FILIP1: variants seen among roughly 807,000 people sequenced by gnomAD.
The protein encoded by FILIP1 is filamin-A-interacting protein 1.
In FILIP1, 61 loss-of-function variants were observed where a neutral mutation model predicts 102.1. The observed-to-expected ratio is 0.60, with a 90% CI of 0.49 to 0.74. FILIP1 has a LOEUF of 0.74. FILIP1 is among the 30% of genes least tolerant of loss of function. The pLI is 0.00. For missense variants in FILIP1, 1,314 were observed against 1,441.2 expected, an observed-to-expected ratio of 0.91 and a Z score of 1.43; for synonymous variants, 491 against 526.9, an observed-to-expected ratio of 0.93 and a Z score of 0.93.
intron 1 of FILIP1, among the ~76,000 whole-genome samples, chr6:75,450,714 G>A (rs985568825): frequency 1.3e-5 from 2 of 150,626 alleles, no homozygotes; most frequent in Admixed American, 1.3e-4. Flanking sequence ...TCAGCATGTT[G>A]GGAGGCCGAG....
At chr6:75,335,562 T>C (rs758482982) in intron 4 of FILIP1, among the ~76,000 whole-genome samples, 6 of 151,944 alleles carry the variant, frequency 3.9e-5, no homozygotes, top group Non-Finnish European at 8.8e-5. Context: ...AGTGTATGAG[T>C]GATAAATCTA....
chr6:75,333,274 A>G (rs1253447965), intron 4 of FILIP1, among the ~76,000 whole-genome samples: 1 of 152,150 alleles, frequency 6.6e-6, no homozygotes, highest in Non-Finnish European at 1.5e-5. Flanking sequence ...TATTATGTTA[A>G]CATTTATTTA....
chr6:75,482,103 C>T (rs1779664619), intron 1 of FILIP1, among the ~76,000 whole-genome samples: 1 of 152,116 alleles, frequency 6.6e-6, no homozygotes, highest in African/African-American at 2.4e-5. Context: ...TTCACGTGCT[C>T]ATTTTGGTGA....
intron 2 of FILIP1, among the ~76,000 whole-genome samples, chr6:75,372,730 GAA>G (rs1775602589): frequency 1.0e-4 from 1 of 9,716 alleles, no homozygotes; most frequent in Non-Finnish European, 2.1e-4. Context: ...AAGAGAAAGA[GAA>G]AGAAAGAAAG....
Position 75,388,659 on chromosome 6 carries a change from G to A in FILIP1, c.277-25742C>T, listed in dbSNP as rs117166830. Among the ~76,000 whole-genome samples the A allele has an allele frequency of 9.7e-3, 1,471 of 152,066 alleles. 38 individuals are homozygous for A. The East Asian group carries it at 0.11, about 11-fold the overall frequency. ...TTGTAGCAGTTGTGAATAGGATTTC[G>A]CTCATTCTTTGGCTCTCTGTCTATT... On this transcript the variant is annotated intron_variant, in intron 2 of 5. Transcript: ENST00000237172.
At chr6:75,389,534 C>A (rs1049954587) in intron 2 of FILIP1, among the ~76,000 whole-genome samples, 1 of 152,050 alleles carries the variant, frequency 6.6e-6, no homozygotes, top group Non-Finnish European at 1.5e-5. Flanking sequence ...CTATTAATTA[C>A]TGCCTCAATT....
At chr6:75,433,461 T>G (rs1189397627) in intron 1 of FILIP1, among the ~76,000 whole-genome samples, 1 of 152,258 alleles carries the variant, frequency 6.6e-6, no homozygotes, top group Non-Finnish European at 1.5e-5. Flanking sequence ...GTCTTTTGGC[T>G]GCATAAATGT....
At chr6:75,333,469 A>C (rs1366246062) in intron 4 of FILIP1, among the ~76,000 whole-genome samples, 1 of 152,176 alleles carries the variant, frequency 6.6e-6, no homozygotes, top group Non-Finnish European at 1.5e-5. Context: ...TTTACAAGTA[A>C]ACAGAAGTTC....
chr6:75,436,366 G>GAA (rs764588245), intron 1 of FILIP1, among the ~76,000 whole-genome samples: 12 of 120,862 alleles, frequency 9.9e-5, no homozygotes, highest in Admixed American at 2.4e-4. Context: ...CCCTGTCTCA[G>GAA]GAAAAAAAAA....
At chr6:75,442,456 T>G (rs1470021151) in intron 1 of FILIP1, among the ~76,000 whole-genome samples, 2 of 152,216 alleles carry the variant, frequency 1.3e-5, no homozygotes, top group Non-Finnish European at 2.9e-5. Context: ...CACTCCAGCC[T>G]GGGCACCATT....
At chr6:75,451,778 G>A (rs1271344659) in intron 1 of FILIP1, among the ~76,000 whole-genome samples, 1 of 152,120 alleles carries the variant, frequency 6.6e-6, no homozygotes, top group East Asian at 1.9e-4. Context: ...AGATTCCAGT[G>A]AGCCGAGATT....
intron 2 of FILIP1, among the ~76,000 whole-genome samples, chr6:75,377,035 C>T (rs1775773726): frequency 6.6e-6 from 1 of 152,066 alleles, no homozygotes; most frequent in African/African-American, 2.4e-5. Flanking sequence ...AACAATGCTA[C>T]ATAACACATT....
At chr6:75,456,844 C>T (rs1220807095) in intron 1 of FILIP1, among the ~76,000 whole-genome samples, 1 of 152,134 alleles carries the variant, frequency 6.6e-6, no homozygotes, top group Non-Finnish European at 1.5e-5. Context: ...AGGCGTGAGA[C>T]ATCGTATTCC....
chr6:75,462,584 G>GTA (rs544327944), intron 1 of FILIP1, among the ~76,000 whole-genome samples: 23 of 151,688 alleles, frequency 1.5e-4, no homozygotes, highest in East Asian at 9.7e-4. Flanking sequence ...ATATGTGTGT[G>GTA]TATATATATA....
intron 2 of FILIP1, among the ~76,000 whole-genome samples, chr6:75,371,015 G>A (rs1434972649): frequency 6.6e-6 from 1 of 152,078 alleles, no homozygotes; most frequent in Admixed American, 6.5e-5. Context: ...CTATTTACCT[G>A]AGTTGGATAA....
At chr6:75,336,560 G>T (rs1189146576) in intron 4 of FILIP1, among the ~76,000 whole-genome samples, 1 of 152,060 alleles carries the variant, frequency 6.6e-6, no homozygotes. Flanking sequence ...CAAGCGGCAG[G>T]CATCTTGTAC....
chr6:75,292,834 A>C (rs1307161638), exon 7 of FILIP1: 1 of 152,176 alleles, frequency 6.6e-6, no homozygotes, highest in East Asian at 1.9e-4. Flanking sequence ...ATTAGGAGAA[A>C]AGGCAAAAAC....
chr6:75,345,033 T>A (rs1255879817), intron 4 of FILIP1, among the ~76,000 whole-genome samples: 2 of 152,226 alleles, frequency 1.3e-5, no homozygotes, highest in East Asian at 3.8e-4. Flanking sequence ...GTTCTCACTA[T>A]TTCTCATATT....
chr6:75,335,199 G>C (rs1774201825), intron 4 of FILIP1, among the ~76,000 whole-genome samples: 1 of 152,122 alleles, frequency 6.6e-6, no homozygotes, highest in East Asian at 1.9e-4. Context: ...GCCAGTTAAG[G>C]TACATGGTAT....
Sources: allele counts gnomAD v4.1 joint callset (sites outside exome capture counted in the v4.1 genomes callset), GRCh38; gene constraint gnomAD v4.1.1; transcripts MANE v1.5; gene names NCBI Gene and HGNC (gene_info 2026-07-23, HGNC 2026-07-21).